Variants in BPTF observed in about 807,000 individuals in gnomAD.
BPTF encodes the protein nucleosome-remodeling factor subunit BPTF.
In BPTF, 18 loss-of-function variants were observed where a neutral mutation model predicts 292.5. The observed-to-expected ratio is 0.06, with a 90% CI of 0.04 to 0.09. The LOEUF (loss-of-function observed/expected upper bound fraction) is 0.09, where lower values mean the gene tolerates loss of function less well. Among genes scored for constraint, BPTF ranks in the 10% least tolerant of loss-of-function variants. The pLI, the probability that BPTF is intolerant of heterozygous loss-of-function variation, is 1.00. For missense variants in BPTF, 2,726 were observed against 3,498.7 expected (o/e 0.78, Z 5.57); for synonymous variants, 1,225 against 1,251.9 (o/e 0.98, Z 0.45).
At chr17:67,923,013 G>C (rs1191063782) in intron 14 of BPTF, 23 bp downstream of exon 14, 3 of 1,589,896 alleles carry the variant, frequency 1.9e-6, no homozygotes, top group Non-Finnish European at 2.6e-6. Context: ...TTAATACCTG[G>C]TCAGCTATTT....
chr17:67,878,681 CGTGTGT>C (rs61427510), intron 4 of BPTF, among the ~76,000 whole-genome samples: 10 of 149,924 alleles, frequency 6.7e-5, no homozygotes, highest in Non-Finnish European at 1.3e-4. Flanking sequence ...TTTATGTGTT[CGTGTGT>C]GTGTGTGTGT....
At chr17:67,968,739 G>T (rs527275032) in intron 26 of BPTF, among the ~76,000 whole-genome samples, 12 of 149,916 alleles carry the variant, frequency 8.0e-5, no homozygotes, top group Admixed American at 2.0e-4. Context: ...AGTGAGCCAA[G>T]ATTGTGCCAC....
At chr17:67,886,116 C>G in intron 4 of BPTF, 3 of 1,514,694 alleles carry the variant, frequency 2.0e-6, no homozygotes, top group Non-Finnish European at 2.7e-6. Flanking sequence ...ATCAGATATT[C>G]TATTTTTCTA....
At chr17:67,838,503 G>A (rs1598142673) in intron 1 of BPTF, among the ~76,000 whole-genome samples, 1 of 151,922 alleles carries the variant, frequency 6.6e-6, no homozygotes, top group Admixed American at 6.6e-5. Flanking sequence ...TTGAGCTGGA[G>A]TATCGCTCTG....
Position 67,828,221 on chromosome 17 carries a change from C to T in BPTF, c.613+1884C>T, listed in dbSNP as rs552553185. ...CTGGGACTACAGGTGTGAGCCACCG[C>T]GCCCAGCCTAGTACGTTTTTTATAG... On this transcript the variant is annotated intron_variant, in intron 1 of 27. Transcript: ENST00000306378. Among the ~76,000 whole-genome samples, 37 of 152,188 alleles carry T rather than the reference C, an allele frequency of 2.4e-4. 1 individual carries two copies. Among genetic ancestry groups the T allele is most frequent in the East Asian group, 1.7e-3 (9 of 5,172 alleles).
chr17:67,909,052 C>T (rs1717222870), intron 9 of BPTF, among the ~76,000 whole-genome samples: 1 of 151,498 alleles, frequency 6.6e-6, no homozygotes, highest in African/African-American at 2.4e-5. Context: ...CCAGGCTGGT[C>T]TCAAACTCCT....
chr17:67,971,809 T>C (rs138775783), intron 26 of BPTF, among the ~76,000 whole-genome samples: 2 of 128,012 alleles, frequency 1.6e-5, no homozygotes, highest in East Asian at 4.8e-4. Flanking sequence ...GCCTGGGCAA[T>C]AGAGTGAGAC....
At chr17:67,905,878 A>G (rs927627258) in intron 9 of BPTF, among the ~76,000 whole-genome samples, 4 of 152,022 alleles carry the variant, frequency 2.6e-5, no homozygotes, top group African/African-American at 9.7e-5. Context: ...AGGATGGGGA[A>G]CATCACACAC....
chr17:67,892,122 A>G, intron 5 of BPTF, 88 bp downstream of exon 5: 3 of 951,944 alleles, frequency 3.2e-6, no homozygotes, highest in Non-Finnish European at 4.4e-6. Context: ...GGAAATTTGT[A>G]GAAATTTGTA....
intron 19 of BPTF, among the ~76,000 whole-genome samples, chr17:67,941,521 G>A (rs1444050960): frequency 6.6e-6 from 1 of 152,162 alleles, no homozygotes; most frequent in Admixed American, 6.6e-5. Flanking sequence ...CATAAGGAGA[G>A]GCAGATAGAC....
chr17:67,911,420 G>A lies in BPTF; in HGVS notation c.3536G>A (p.Cys1179Tyr). 1 of 1,614,080 alleles carries A rather than the reference G, an allele frequency of 6.2e-7. No homozygotes were observed. Among genetic ancestry groups the A allele is most frequent in the Non-Finnish European group, 8.5e-7 (1 of 1,180,000 alleles). Residue 1179 changes from cysteine to tyrosine, a missense_variant, in exon 11 of 28, where the codon TGT becomes TAT. Physicochemically the swap from Cys to Tyr is radical, Grantham distance 194. This residue lies in a region of BPTF where 713 missense variants were observed against 714.9 expected (regional missense o/e 1.00). Transcript: ENST00000306378. Reference sequence around the variant, plus strand: ...TCCATTCGGAGCCCAGAAACAAAATGTCCGAAACAAAATTCCATTGAAAAT... The same window carrying A: ...TCCATTCGGAGCCCAGAAACAAAATATCCGAAACAAAATTCCATTGAAAAT... The part of the protein sequence containing the change: ...DVSIRSPETK[C>Y]PKQNSIENDI...
rs527981281 is a variant in BPTF, at chr17:67,967,601, A to G, written c.8539+945A>G. Among the ~76,000 whole-genome samples the G allele has an allele frequency of 3.9e-5, 6 of 152,088 alleles. No homozygotes were observed. In the South Asian group the frequency reaches 1.2e-3, roughly 32 times the overall value. On this transcript the variant is annotated intron_variant, in intron 26 of 27. Coordinates refer to ENST00000306378, the MANE Select transcript of BPTF (RefSeq NM_182641.4). ...TTCCGGAGGCCAAGGTGGATGGATC[A>G]CCTGAGGTCAGGAGTTCGAGACCAG...
intron 4 of BPTF, among the ~76,000 whole-genome samples, chr17:67,879,205 G>C (rs911308925): frequency 4.7e-5 from 7 of 148,394 alleles, no homozygotes; most frequent in African/African-American, 1.7e-4. Context: ...ACAGTGGTGC[G>C]ATCTCGGCTC....
At chr17:67,883,027 A>G (rs1472645996) in intron 4 of BPTF, among the ~76,000 whole-genome samples, 3 of 148,116 alleles carry the variant, frequency 2.0e-5, no homozygotes, top group Non-Finnish European at 4.5e-5. Context: ...AAAAGAAAAG[A>G]AAAAAGGGCT....
intron 26 of BPTF, among the ~76,000 whole-genome samples, chr17:67,971,140 G>A (rs782149370): frequency 6.6e-6 from 1 of 152,046 alleles, no homozygotes; most frequent in Non-Finnish European, 1.5e-5. Context: ...GTGCAGTGGC[G>A]CTATCTCGGC....
chr17:67,973,887 G>A (rs1555692430), intron 26 of BPTF: 1 of 151,826 alleles, frequency 6.6e-6, no homozygotes, highest in African/African-American at 2.4e-5. Flanking sequence ...ACTAGATACA[G>A]TTAAATCTGT....
At chr17:67,963,611 AT>A in intron 24 of BPTF, 1 of 1,163,294 alleles carries the variant, frequency 8.6e-7, no homozygotes, top group Non-Finnish European at 1.1e-6. Context: ...TTCTACATTT[AT>A]TATACACTTA....
chr17:67,883,028 A>G (rs1241071961), intron 4 of BPTF, among the ~76,000 whole-genome samples: 2 of 147,166 alleles, frequency 1.4e-5, no homozygotes, highest in African/African-American at 5.1e-5. Context: ...AAAGAAAAGA[A>G]AAAAGGGCTG....
At chr17:67,923,237 G>A (rs1288780944) in intron 14 of BPTF, among the ~76,000 whole-genome samples, 1 of 151,560 alleles carries the variant, frequency 6.6e-6, no homozygotes, top group African/African-American at 2.4e-5. Context: ...TGTATTTTTT[G>A]TACAGAGATG....
Sources: allele counts gnomAD v4.1 joint callset (sites outside exome capture counted in the v4.1 genomes callset), GRCh38; gene constraint gnomAD v4.1.1; regional missense constraint gnomAD v4.1.1; transcripts MANE v1.5; gene names NCBI Gene and HGNC (gene_info 2026-07-23, HGNC 2026-07-21).